The following GFOD1 variants were observed in gnomAD, a reference collection of about 807,000 sequenced individuals.
GFOD1 encodes Gfo/Idh/MocA-like oxidoreductase domain containing 1.
A neutral mutation model predicts 25.4 loss-of-function variants in GFOD1; 9 were observed. The observed-to-expected ratio is 0.35, with a 90% CI of 0.21 to 0.62. The LOEUF (loss-of-function observed/expected upper bound fraction) is 0.62. GFOD1 is among the 20% of genes least tolerant of loss of function. The pLI is 0.72. For synonymous variants in GFOD1, 253 were observed against 245.6 expected (o/e 1.03, Z -0.28); for missense variants, 403 against 556.9 (o/e 0.72, Z 2.78).
At chr6:13,437,487 G>A (rs191563559) in intron 1 of GFOD1, among the ~76,000 whole-genome samples, 1 of 152,118 alleles carries the variant, frequency 6.6e-6, no homozygotes, top group African/African-American at 2.4e-5. Context: ...CTTGAAATGT[G>A]GTTAGTGCAA....
chr6:13,480,592 C>T (rs966253562), intron 1 of GFOD1, among the ~76,000 whole-genome samples: 1 of 152,062 alleles, frequency 6.6e-6, no homozygotes, highest in Non-Finnish European at 1.5e-5. Context: ...TGGGCCTTGA[C>T]CTCCAGGCCT....
chr6:13,466,115 C>T (rs552986083), intron 1 of GFOD1, among the ~76,000 whole-genome samples: 1 of 152,292 alleles, frequency 6.6e-6, no homozygotes, highest in Non-Finnish European at 1.5e-5. Context: ...CCAAAAATGT[C>T]CCATGTGGAT....
At chr6:13,468,835 C>T (rs1305330422) in intron 1 of GFOD1, among the ~76,000 whole-genome samples, 1 of 152,060 alleles carries the variant, frequency 6.6e-6, no homozygotes. Context: ...CTGCTTTTCA[C>T]ATCAGCTGCT....
chr6:13,445,885 C>T (rs867281358), intron 1 of GFOD1, among the ~76,000 whole-genome samples: 26 of 152,166 alleles, frequency 1.7e-4, no homozygotes, highest in African/African-American at 5.5e-4. Context: ...CTCAGGTGGA[C>T]GCCACAATGT....
At chr6:13,484,505 GAAGA>G (rs1758822533) in intron 1 of GFOD1, among the ~76,000 whole-genome samples, 1 of 152,160 alleles carries the variant, frequency 6.6e-6, no homozygotes, top group East Asian at 1.9e-4. Context: ...AAAAAAGAAA[GAAGA>G]AAGAAGCTCA....
chr6:13,450,526 C>T (rs998530783), intron 1 of GFOD1, among the ~76,000 whole-genome samples: 4 of 152,048 alleles, frequency 2.6e-5, no homozygotes, highest in African/African-American at 7.2e-5. Context: ...GGATGAAGAC[C>T]GGAGCACACC....
At position 13,365,104 on chromosome 6, in the gene GFOD1, C is replaced by T; in HGVS notation, c.812G>A (p.Ser271Asn). The T allele has an allele frequency of 6.2e-7, 1 of 1,612,694 alleles. No homozygotes were observed. The highest frequency in any genetic ancestry group is 8.5e-7 in the Non-Finnish European group (1 of 1,179,794). ...VGTDLYGQRN[S>N]APEQELLVQD... is the part of the protein sequence containing the mutation. Reference sequence around the variant, plus strand: ...CACCAGCAGCTCCTGCTCCGGGGCGCTGTTGCGCTGCCCGTACAGGTCGGT... The same window carrying T: ...CACCAGCAGCTCCTGCTCCGGGGCGTTGTTGCGCTGCCCGTACAGGTCGGT... Residue 271 changes from serine (S) to asparagine (N), a missense_variant, in exon 2 of 2, where the codon AGC becomes AAC. By Grantham distance (46) the Ser-to-Asn change is conservative. Coordinates refer to ENST00000379287, the MANE Select transcript of GFOD1 (RefSeq NM_018988.4). This position sits in a 1 kb window ranked among gnomAD's most constrained non-coding sequence, Gnocchi z 9.2.
intron 1 of GFOD1, among the ~76,000 whole-genome samples, chr6:13,377,453 T>A (rs1161114931): frequency 6.6e-6 from 1 of 152,130 alleles, no homozygotes; most frequent in Non-Finnish European, 1.5e-5. Flanking sequence ...GAGGTCCCCA[T>A]CTCCTTGCTG....
intron 1 of GFOD1, among the ~76,000 whole-genome samples, chr6:13,455,434 T>C (rs1392294017): frequency 1.3e-5 from 2 of 152,162 alleles, no homozygotes; most frequent in African/African-American, 2.4e-5. Context: ...CACCTTGTCA[T>C]TGGTTTGAAT....
At chr6:13,402,650 T>C (rs1200603964) in intron 1 of GFOD1, among the ~76,000 whole-genome samples, 1 of 152,136 alleles carries the variant, frequency 6.6e-6, no homozygotes, top group Non-Finnish European at 1.5e-5. Flanking sequence ...CCCATTAGGA[T>C]GACTATAATA....
At chr6:13,385,852 G>T (rs890231214) in intron 1 of GFOD1, among the ~76,000 whole-genome samples, 10 of 152,100 alleles carry the variant, frequency 6.6e-5, no homozygotes, top group Admixed American at 5.2e-4. Flanking sequence ...AACTTCTAAG[G>T]ATAAAGCCAG....
At position 13,364,996 on chromosome 6, in the gene GFOD1, A is replaced by T; in HGVS notation, c.920T>A (p.Ile307Asn). ...CTGGCGCACCGCCTGCATCATCTTG[A>T]TGGTGCCGCGCAGGTAGGGCGAGGG... ...DIPSPYLRGT[I>N]KMMQAVRQAF... Residue 307 changes from isoleucine to asparagine, a missense_variant, in exon 2 of 2, where the codon ATC (isoleucine) becomes AAC (asparagine). Ile to Asn is a moderately radical substitution (Grantham distance 149, BLOSUM62 -3). Coordinates refer to ENST00000379287, the MANE Select transcript of GFOD1 (RefSeq NM_018988.4). The surrounding 1 kb of genome is among the most constrained non-coding windows in gnomAD (Gnocchi z 4.1). 1 of 1,610,390 alleles carries T rather than the reference A, an allele frequency of 6.2e-7. No homozygotes were observed. Among genetic ancestry groups the T allele is most frequent in the South Asian group, 1.1e-5 (1 of 91,060 alleles).
intron 1 of GFOD1, among the ~76,000 whole-genome samples, chr6:13,372,504 GTC>G (rs1325894923): frequency 1.3e-5 from 2 of 152,210 alleles, no homozygotes; most frequent in Non-Finnish European, 2.9e-5. Context: ...TTGTGGCTGA[GTC>G]TCTGCTCCTA....
intron 1 of GFOD1, among the ~76,000 whole-genome samples, chr6:13,374,728 C>CTTTTTTT (rs147560408): frequency 1.2e-4 from 8 of 66,808 alleles, no homozygotes; most frequent in Admixed American, 2.3e-4. Flanking sequence ...CATCTCAAAT[C>CTTTTTTT]TTTTTTTTTT....
At chr6:13,422,098 CACAA>C (rs1786267476) in intron 1 of GFOD1, among the ~76,000 whole-genome samples, 1 of 152,080 alleles carries the variant, frequency 6.6e-6, no homozygotes, top group Non-Finnish European at 1.5e-5. Context: ...CACACACACT[CACAA>C]ACACACACAC....
At chr6:13,464,677 T>C (rs746871655) in intron 1 of GFOD1, among the ~76,000 whole-genome samples, 1 of 152,224 alleles carries the variant, frequency 6.6e-6, no homozygotes, top group Non-Finnish European at 1.5e-5. Flanking sequence ...CCCTGTATAA[T>C]GTGCTGGGCC....
intron 1 of GFOD1, among the ~76,000 whole-genome samples, chr6:13,423,892 C>T (rs1715991817): frequency 6.6e-6 from 1 of 152,132 alleles, no homozygotes; most frequent in Admixed American, 6.5e-5. Flanking sequence ...CGGCTTTGCT[C>T]TTGCTGCCCA....
In GFOD1 at chr6:13,451,102, C is replaced by T. The variant is rs368401321; in HGVS notation, c.253+35536G>A. On this transcript the variant is annotated intron_variant, in intron 1 of 1. Coordinates refer to ENST00000379287, the MANE Select transcript of GFOD1 (RefSeq NM_018988.4). Reference sequence around the variant, plus strand: ...TTTGTACACTTCGGGCAACTCCTGCCGGAGTTTTTAGTGACATCACAGAAT... The same window carrying T: ...TTTGTACACTTCGGGCAACTCCTGCTGGAGTTTTTAGTGACATCACAGAAT... Among the ~76,000 whole-genome samples the T allele has an allele frequency of 6.4e-4, 97 of 152,294 alleles. 1 individual carries two copies. The highest frequency in any genetic ancestry group is 2.1e-3 in the African/African-American group (86 of 41,568).
At chr6:13,473,732 C>G (rs1758556445) in intron 1 of GFOD1, among the ~76,000 whole-genome samples, 1 of 152,104 alleles carries the variant, frequency 6.6e-6, no homozygotes, top group African/African-American at 2.4e-5. Flanking sequence ...TTATTTAAAT[C>G]CTACCCCCTC....
Sources: gnomAD v4.1 joint callset for allele counts (sites outside exome capture counted in the v4.1 genomes callset) on GRCh38, gnomAD v4.1.1 for gene constraint, Gnocchi (gnomAD v3.1) non-coding constraint, MANE v1.5 for transcripts, NCBI Gene and HGNC (gene_info 2026-07-23, HGNC 2026-07-21) for gene names.